The following RHBDD2 variants were observed in gnomAD, a reference collection of about 807,000 sequenced individuals.
RHBDD2 encodes rhomboid domain containing 2, also known as rhomboid domain-containing protein 2.
In RHBDD2, 13 loss-of-function variants were observed where a neutral mutation model predicts 21.7. That is an observed-to-expected ratio of 0.60 (90% CI 0.39 to 0.95). The LOEUF (loss-of-function observed/expected upper bound fraction) is 0.95, where lower values mean the gene tolerates loss of function less well. Ranked by LOEUF, RHBDD2 falls within the 40% of genes least tolerant of loss-of-function variation. RHBDD2 has a pLI of 0.00. For missense variants in RHBDD2, 473 were observed against 478.9 expected (o/e 0.99, Z 0.11); for synonymous variants, 225 against 220.0 (o/e 1.02, Z -0.20).
rs782812241 is a variant in RHBDD2 at position 75,879,208 on chromosome 7, C to G, written c.126C>G (p.Pro42=). Residue 42 remains proline, a synonymous_variant, in exon 1 of 4, where the codon CCC becomes CCG. Transcript: ENST00000006777. ...SGPRLFLLQQ[P]LAPSGLTLKS... ...CTCGCCTGTTCCTGCTGCAGCAGCC[C>G]CTGGCGCCCTCGGGCCTCACGCTGA... The G allele has an allele frequency of 6.6e-7, 1 of 1,522,256 alleles. No homozygotes were observed. The highest frequency in any genetic ancestry group is 8.8e-7 in the Non-Finnish European group (1 of 1,133,462). 94.3% of individuals were successfully genotyped at this position (1,522,256 alleles called of 1,614,324 possible).
chr7:75,881,372 G>A, intron 1 of RHBDD2: 1 of 1,291,720 alleles, frequency 7.7e-7, no homozygotes, highest in Non-Finnish European at 1.0e-6. Context: ...CAGCCACTAT[G>A]GAAGGAGGGG....
chr7:75,882,370 T>A, intron 2 of RHBDD2, 134 bp downstream of exon 2: 1 of 802,786 alleles, frequency 1.2e-6, no homozygotes, highest in East Asian at 2.7e-5. Flanking sequence ...TCACCCAGGC[T>A]GGAGTGCAGT....
intron 3 of RHBDD2, 120 bp from the exon 4 acceptor site, chr7:75,887,872 C>A: frequency 1.2e-6 from 1 of 838,236 alleles, no homozygotes; most frequent in Non-Finnish European, 2.0e-6. Context: ...GTACTTAGAG[C>A]AAGTCACAGA....
intron 3 of RHBDD2, among the ~76,000 whole-genome samples, chr7:75,885,513 C>A (rs551304944): frequency 3.3e-5 from 5 of 152,058 alleles, no homozygotes; most frequent in Admixed American, 6.6e-5. Flanking sequence ...GGTCCTCCCC[C>A]CAAAAAAGGA....
chr7:75,879,908 C>T (rs1158185546), intron 1 of RHBDD2, among the ~76,000 whole-genome samples: 2 of 152,190 alleles, frequency 1.3e-5, no homozygotes, highest in East Asian at 1.9e-4. Flanking sequence ...TCCTGAAAGA[C>T]ATTCCTAGTC....
intron 1 of RHBDD2, among the ~76,000 whole-genome samples, chr7:75,880,828 C>T (rs1333475784): frequency 6.6e-6 from 1 of 152,138 alleles, no homozygotes; most frequent in Non-Finnish European, 1.5e-5. Context: ...TGGAATCAAG[C>T]GAGCCTCCTG....
rs182081039 is a variant in RHBDD2 at position 75,879,035 on chromosome 7, G to A, written c.-48G>A. ...CTGCCGCGAGGAGGCGGAAGGAGCA[G>A]AGGACCGGCAGCCGGCGTCGAGGCG... On this transcript the variant is annotated 5_prime_UTR_variant, in exon 1 of 4. Transcript: ENST00000006777. 7.3e-7 allele frequency: 1 copy of A among 1,361,442 alleles called. No homozygotes were observed. Among genetic ancestry groups the A allele is most frequent in the South Asian group, 1.7e-5 (1 of 59,462 alleles). 84.3% of individuals were successfully genotyped at this position (1,361,442 alleles called of 1,614,324 possible).
At chr7:75,881,432 A>G (rs1425030021) in intron 1 of RHBDD2, 7 of 1,295,880 alleles carry the variant, frequency 5.4e-6, no homozygotes, top group Non-Finnish European at 7.0e-6. Context: ...AGTGACACCC[A>G]CTCAATCCAC....
At chr7:75,886,436 C>A (rs1319173287) in intron 3 of RHBDD2, among the ~76,000 whole-genome samples, 1 of 152,088 alleles carries the variant, frequency 6.6e-6, no homozygotes, top group African/African-American at 2.4e-5. Flanking sequence ...CAAGGAATCC[C>A]CTCTGTAATA....
intron 1 of RHBDD2, 124 bp downstream of exon 1, chr7:75,879,384 CTCA>C: frequency 4.3e-6 from 4 of 932,330 alleles, no homozygotes; most frequent in Non-Finnish European, 5.9e-6. Flanking sequence ...TGTCTCGGTC[CTCA>C]TCACCATGCC....
chr7:75,881,737 G>C (rs782571876), intron 1 of RHBDD2, 92 bp from the exon 2 acceptor site: 50 of 1,289,252 alleles, frequency 3.9e-5, no homozygotes, highest in African/African-American at 9.0e-5. Flanking sequence ...TGTCACGGAG[G>C]GGGGCTCTCT....
At chr7:75,885,188 A>C in intron 3 of RHBDD2, among the ~76,000 whole-genome samples, 1 of 151,478 alleles carries the variant, frequency 6.6e-6, no homozygotes, top group Middle Eastern at 3.5e-3. Context: ...GGCCCAGCCC[A>C]GGTTTTCTGG....
In RHBDD2 at chr7:75,888,742, C is replaced by T. The variant is rs536456257; in HGVS notation, c.*393C>T. 129 of 226,978 alleles carry T rather than the reference C, an allele frequency of 5.7e-4. No individual in the cohort carries two copies. In the Middle Eastern group the frequency reaches 9.8e-3, roughly 17 times the overall value. 14.1% of individuals were successfully genotyped at this position (226,978 alleles called of 1,614,324 possible). ...GTGTCCGTGTGTCCATGTGTCTGCCCTTCAGGAGCTCGCAGCTGGTGTGCT... is the reference window on the plus strand; with the variant it reads ...GTGTCCGTGTGTCCATGTGTCTGCCTTTCAGGAGCTCGCAGCTGGTGTGCT... On this transcript the variant is annotated 3_prime_UTR_variant, in exon 4 of 4. Coordinates refer to ENST00000006777, the MANE Select transcript of RHBDD2 (RefSeq NM_001040456.3).
intron 1 of RHBDD2, 116 bp downstream of exon 1, chr7:75,879,376 T>C: frequency 9.9e-7 from 1 of 1,014,904 alleles, no homozygotes; most frequent in Non-Finnish European, 1.3e-6. Flanking sequence ...TCTCCCCCTG[T>C]CTCGGTCCTC....
At chr7:75,885,875 C>CT (rs1190479140) in intron 3 of RHBDD2, among the ~76,000 whole-genome samples, 3 of 151,546 alleles carry the variant, frequency 2.0e-5, no homozygotes, top group South Asian at 2.1e-4. Flanking sequence ...AATCACGTTT[C>CT]TTTTTTTTTG....
chr7:75,881,981 G>A lies in RHBDD2; in HGVS notation c.331G>A (p.Ala111Thr), dbSNP rs202239956. The A allele has an allele frequency of 3.4e-4, 543 of 1,614,098 alleles. 2 individuals carry two copies. The highest frequency in any genetic ancestry group is 4.4e-4 in the Non-Finnish European group (516 of 1,180,050). The part of the protein sequence containing the change: ...FFTVIFAIFS[A>T]IIFLSFEAVS... ...CACCGTGATCTTCGCCATCTTCTCC[G>A]CTATCATCTTCCTGTCATTCGAGGC... is the stretch of plus-strand genomic sequence containing the variant. The change falls in exon 2 of 4, where the codon GCT becomes ACT. Residue 111 changes from alanine (A) to threonine (T), a missense_variant. Transcript: ENST00000006777.
rs782134791 is a variant in RHBDD2, at chr7:75,888,464, T to C, written c.*115T>C. 6.0e-6 allele frequency: 5 copies of C among 828,552 alleles called. No individual in the cohort carries two copies. Among genetic ancestry groups the C allele is most frequent in the South Asian group, 1.6e-5 (1 of 62,212 alleles). 51.3% of individuals were successfully genotyped at this position (828,552 alleles called of 1,614,324 possible). ...GTGCCAGGCTCTGTGTTGGGTACTT[T>C]GATCAATGCCCCTGTTTCAGTCTCA... On this transcript the variant is annotated 3_prime_UTR_variant, in exon 4 of 4. Coordinates refer to ENST00000006777, the MANE Select transcript of RHBDD2 (RefSeq NM_001040456.3).
intron 3 of RHBDD2, among the ~76,000 whole-genome samples, chr7:75,885,347 CAG>C (rs1216462626): frequency 3.9e-5 from 6 of 152,034 alleles, no homozygotes; most frequent in Non-Finnish European, 8.8e-5. Flanking sequence ...TTCCAGGTAA[CAG>C]AGTCAGGAGA....
At chr7:75,881,281 C>T (rs558424785) in intron 1 of RHBDD2, 2 of 1,172,212 alleles carry the variant, frequency 1.7e-6, no homozygotes, top group Non-Finnish European at 2.3e-6. Context: ...CTTATAATTT[C>T]TATAATCTTT....
Sources: gnomAD v4.1 joint callset for allele counts (sites outside exome capture counted in the v4.1 genomes callset) on GRCh38, gnomAD v4.1.1 for gene constraint, MANE v1.5 for transcripts, NCBI Gene and HGNC (gene_info 2026-07-23, HGNC 2026-07-21) for gene names.